Variants in ATP8A2 observed in about 807,000 individuals in gnomAD.
ATP8A2 encodes the protein ATPase phospholipid transporting 8A2, also known as phospholipid-transporting ATPase IB.
A neutral mutation model predicts 165.6 loss-of-function variants in ATP8A2; 100 were observed. The observed-to-expected ratio is 0.60, with a 90% CI of 0.51 to 0.71. The LOEUF (loss-of-function observed/expected upper bound fraction) is 0.71. Among genes scored for constraint, ATP8A2 ranks in the 30% least tolerant of loss-of-function variants. The probability of loss-of-function intolerance (pLI) is 0.00; values close to 1 mark genes in which losing one functional copy is unlikely to be tolerated. For missense variants in ATP8A2, 1,227 were observed against 1,479.5 expected, an observed-to-expected ratio of 0.83 and a Z score of 2.80; for synonymous variants, 543 against 548.8, an observed-to-expected ratio of 0.99 and a Z score of 0.15.
chr13:25,596,175 A>G (rs1453110038), intron 24 of ATP8A2, among the ~76,000 whole-genome samples: 1 of 152,184 alleles, frequency 6.6e-6, no homozygotes, highest in African/African-American at 2.4e-5. Flanking sequence ...TGGCTGACCT[A>G]TCCTTAATCT....
chr13:25,913,622 C>G (rs1954185384), intron 33 of ATP8A2, among the ~76,000 whole-genome samples: 1 of 152,008 alleles, frequency 6.6e-6, no homozygotes, highest in Admixed American at 6.5e-5. Context: ...CTTCAAGGGT[C>G]TCAATCAGAA....
intron 35 of ATP8A2, among the ~76,000 whole-genome samples, chr13:25,969,817 C>G (rs865929026): frequency 5.3e-5 from 8 of 152,268 alleles, no homozygotes; most frequent in Middle Eastern, 3.4e-3. Flanking sequence ...GCACTGTCTT[C>G]CATAAGCTTA....
At chr13:25,380,062 T>C (rs568894568) in intron 1 of ATP8A2, among the ~76,000 whole-genome samples, 2 of 152,198 alleles carry the variant, frequency 1.3e-5, no homozygotes, top group East Asian at 1.9e-4. Context: ...TGAGTGAAGA[T>C]TGTAAATGAA....
Position 26,025,481 on chromosome 13 carries a change from G to A in ATP8A2, c.*5496G>A, listed in dbSNP as rs1406496506. ...CTCTCCTGTCTGCTGTCACATCTGT[G>A]CCTGGATTGCTTAAATATTGTTTGT... On this transcript the variant is annotated 3_prime_UTR_variant, in exon 37 of 37. Coordinates refer to ENST00000381655, the MANE Select transcript of ATP8A2 (RefSeq NM_016529.6). The A allele has an allele frequency of 6.6e-6, 1 of 152,256 alleles. No individual in the cohort carries two copies. Among genetic ancestry groups the A allele is most frequent in the African/African-American group, 2.4e-5 (1 of 41,426 alleles). 9.4% of individuals were successfully genotyped at this position (152,256 alleles called of 1,614,324 possible). A position where few individuals can be genotyped will look rare whatever the true frequency, so the allele number is the denominator to read the frequency against.
chr13:25,939,235 G>T (rs9581484), intron 33 of ATP8A2, among the ~76,000 whole-genome samples: 1,525 of 152,224 alleles, frequency 0.01, 21 homozygotes, highest in African/African-American at 0.032. Flanking sequence ...ACCACAGTTT[G>T]TCCTCTGCAT....
intron 2 of ATP8A2, among the ~76,000 whole-genome samples, chr13:25,520,590 AGTTTTTTTTTTTTTT>A (rs975617496): frequency 1.4e-5 from 2 of 140,132 alleles, no homozygotes; most frequent in South Asian, 4.6e-4. Context: ...TCCTATTTTT[AGTTTTTTTTTTTTTT>A]GTTTTTTTTT....
chr13:25,523,549 T>A (rs2037739250), intron 2 of ATP8A2, among the ~76,000 whole-genome samples: 1 of 152,194 alleles, frequency 6.6e-6, no homozygotes, highest in Non-Finnish European at 1.5e-5. Flanking sequence ...AGTTACTTGT[T>A]ATTGATTGGT....
intron 33 of ATP8A2, among the ~76,000 whole-genome samples, chr13:25,939,038 T>G (rs1426826882): frequency 6.6e-6 from 1 of 152,016 alleles, no homozygotes; most frequent in African/African-American, 2.4e-5. Context: ...AGATGGGGTT[T>G]CGCCATGTTG....
intron 25 of ATP8A2, among the ~76,000 whole-genome samples, chr13:25,709,179 A>G (rs2043111463): frequency 1.3e-5 from 2 of 152,260 alleles, no homozygotes; most frequent in African/African-American, 4.8e-5. Flanking sequence ...CACCTGGGTC[A>G]TCTGAGCAAA....
chr13:25,752,068 G>A (rs1000610486), intron 25 of ATP8A2, among the ~76,000 whole-genome samples: 5 of 151,670 alleles, frequency 3.3e-5, no homozygotes, highest in African/African-American at 9.7e-5. Flanking sequence ...GTACCAATGG[G>A]CATATATATT....
At chr13:25,552,742 T>C (rs191752252) in intron 11 of ATP8A2, among the ~76,000 whole-genome samples, 16 of 152,218 alleles carry the variant, frequency 1.1e-4, no homozygotes, top group Admixed American at 1.0e-3. Context: ...CAAAGTAATA[T>C]GTCAGGAAGA....
At chr13:25,975,570 A>G (rs1030209087) in intron 35 of ATP8A2, among the ~76,000 whole-genome samples, 2 of 150,118 alleles carry the variant, frequency 1.3e-5, no homozygotes, top group Non-Finnish European at 1.5e-5. Flanking sequence ...GGACAGAGTG[A>G]GACTCCATCT....
intron 1 of ATP8A2, among the ~76,000 whole-genome samples, chr13:25,458,346 C>G (rs568893318): frequency 1.3e-5 from 2 of 152,292 alleles, no homozygotes; most frequent in African/African-American, 4.8e-5. Flanking sequence ...TGGCTTGACT[C>G]TCAACATTTT....
At chr13:25,785,476 G>T (rs1234785659) in intron 27 of ATP8A2, among the ~76,000 whole-genome samples, 3 of 152,074 alleles carry the variant, frequency 2.0e-5, no homozygotes, top group African/African-American at 7.2e-5. Context: ...TTCTTATGTA[G>T]TTGACTTTAC....
Position 25,372,320 on chromosome 13 carries a change from G to T in ATP8A2, c.76+32G>T, listed in dbSNP as rs1168535603. The T allele has an allele frequency of 9.1e-6, 13 of 1,422,780 alleles. No individual in the cohort carries two copies. In the South Asian group the frequency reaches 1.5e-4, roughly 16 times the overall value. 88.1% of individuals were successfully genotyped at this position (1,422,780 alleles called of 1,614,324 possible). A position where few individuals can be genotyped will look rare whatever the true frequency, so the allele number is the denominator to read the frequency against. On this transcript the variant is annotated intron_variant, in intron 1 of 36. Coordinates refer to ENST00000381655, the MANE Select transcript of ATP8A2 (RefSeq NM_016529.6). This position sits in a 1 kb window ranked among gnomAD's most constrained non-coding sequence, Gnocchi z 4.8. ...TGGGAGGGGCGCGGCGAGGGAGGGT[G>T]GGCCCGGGGCGGGGGCGGCGCGGGG... is the stretch of plus-strand genomic sequence containing the variant.
Position 25,750,697 on chromosome 13 carries a change from T to G in ATP8A2, c.2385-18349T>G, listed in dbSNP as rs975143900. 1.3e-5 allele frequency among the ~76,000 whole-genome samples: 2 copies of G among 152,156 alleles called. No homozygotes were observed. The highest frequency in any genetic ancestry group is 2.9e-5 in the Non-Finnish European group (2 of 68,030). On this transcript the variant is annotated intron_variant, in intron 25 of 36. Transcript: ENST00000381655. The surrounding 1 kb of genome is among the most constrained non-coding windows in gnomAD (Gnocchi z 4.3). ...GGCAGGTACCTCATATGTGTAGTTTTGGCATCGAGTTTATACGAGCACATG... is the reference window on the plus strand; with the variant it reads ...GGCAGGTACCTCATATGTGTAGTTTGGGCATCGAGTTTATACGAGCACATG...
At position 25,372,550 on chromosome 13, in the gene ATP8A2, A is replaced by ATGTG. The variant is rs565211059; in HGVS notation, c.76+275_76+278dup. Among the ~76,000 whole-genome samples, 16 of 151,232 alleles carry ATGTG rather than the reference A, an allele frequency of 1.1e-4. No individual in the cohort carries two copies. Among genetic ancestry groups the ATGTG allele is most frequent in the Non-Finnish European group, 2.2e-4 (15 of 67,684 alleles). ...AGACCCCCGGCTCGTCCCTGTACAG[A>ATGTG]TGTGTGTGTGTGTGTGCGGCCTCCC... On this transcript the variant is annotated intron_variant, in intron 1 of 36. Transcript: ENST00000381655. This position sits in a 1 kb window ranked among gnomAD's most constrained non-coding sequence, Gnocchi z 4.8.
At chr13:25,756,288 A>C (rs1566107805) in intron 25 of ATP8A2, among the ~76,000 whole-genome samples, 1 of 151,142 alleles carries the variant, frequency 6.6e-6, no homozygotes, top group Admixed American at 6.6e-5. Flanking sequence ...TATTATAAGC[A>C]GAAAACTGTG....
At chr13:25,480,732 C>G (rs1193922757) in intron 2 of ATP8A2, among the ~76,000 whole-genome samples, 1 of 151,360 alleles carries the variant, frequency 6.6e-6, no homozygotes, top group Non-Finnish European at 1.5e-5. Flanking sequence ...GGCAGAGACG[C>G]TCCTCACTTC....
Sources: gnomAD v4.1 joint callset for allele counts (sites outside exome capture counted in the v4.1 genomes callset) on GRCh38, gnomAD v4.1.1 for gene constraint, Gnocchi (gnomAD v3.1) non-coding constraint, MANE v1.5 for transcripts, NCBI Gene and HGNC (gene_info 2026-07-23, HGNC 2026-07-21) for gene names.